The following SLC16A9 variants were observed in gnomAD, a reference collection of about 807,000 sequenced individuals.
SLC16A9 encodes monocarboxylate transporter 9.
A neutral mutation model predicts 44.3 loss-of-function variants in SLC16A9; 26 were observed. The observed-to-expected ratio is 0.59, with a 90% CI of 0.43 to 0.81. The LOEUF (loss-of-function observed/expected upper bound fraction) is 0.81, where lower values mean the gene tolerates loss of function less well. Ranked by LOEUF, SLC16A9 falls within the 40% of genes least tolerant of loss-of-function variation. The pLI, the probability that SLC16A9 is intolerant of heterozygous loss-of-function variation, is 0.00. For synonymous variants in SLC16A9, 230 were observed against 225.1 expected, an observed-to-expected ratio of 1.02 and a Z score of -0.19; for missense variants, 559 against 595.8, an observed-to-expected ratio of 0.94 and a Z score of 0.64.
At position 59,672,892 on chromosome 10, in the gene SLC16A9, A is replaced by T; in HGVS notation, c.218T>A (p.Val73Asp). The change falls in exon 3 of 6, where the codon GTC becomes GAC. Residue 73 changes from valine to aspartate, a missense_variant. Physicochemically the swap from Val to Asp is radical, Grantham distance 152. Transcript: ENST00000395348. ...GACAGGTCTTGCTCCAAAAGATGAG[A>T]CACAGAGACTGCAGACAGGACCTAA... is the stretch of plus-strand genomic sequence containing the variant. The part of the protein sequence containing the change: ...LLASPVCSLC[V>D]SSFGARPVTI... The T allele has an allele frequency of 6.2e-7, 1 of 1,613,214 alleles. No individual in the cohort carries two copies. The highest frequency in any genetic ancestry group is 1.1e-5 in the South Asian group (1 of 90,868).
At chr10:59,693,929 T>C (rs184367716) in intron 1 of SLC16A9, among the ~76,000 whole-genome samples, 412 of 138,506 alleles carry the variant, frequency 3.0e-3, no homozygotes, top group Non-Finnish European at 3.8e-3. Flanking sequence ...TTAATTTTAC[T>C]TATTTATTTA....
In SLC16A9 at chr10:59,653,709, A is replaced by C; in HGVS notation, c.1317T>G (p.Ala439=). 1.2e-6 allele frequency: 2 copies of C among 1,613,954 alleles called. No individual in the cohort carries two copies. Among genetic ancestry groups the C allele is most frequent in the Non-Finnish European group, 1.7e-6 (2 of 1,179,928 alleles). ...GTGGTCCTAGGCTATTTCCAAGTCC[A>C]GCAAAGAACATTAATATCCCATAGG... ...AHAYGILMFF[A]GLGNSLGPPI... is the part of the protein sequence containing the mutation. The change falls in exon 5 of 6, where the codon GCT becomes GCG. Residue 439 remains alanine, a synonymous_variant. Transcript: ENST00000395348.
rs1325163097 is a variant in SLC16A9 at position 59,681,620 on chromosome 10, A to G, written c.196+2476T>C. Reference sequence around the variant, plus strand: ...TATATGTATATGTATATGTATATGTATATGATGTATATGTATATGTGTATG... The same window carrying G: ...TATATGTATATGTATATGTATATGTGTATGATGTATATGTATATGTGTATG... On this transcript the variant is annotated intron_variant, in intron 2 of 5. Transcript: ENST00000395348. 3.5e-4 allele frequency among the ~76,000 whole-genome samples: 24 copies of G among 68,418 alleles called. 7 individuals carry two copies. The highest frequency in any genetic ancestry group is 1.2e-3 in the African/African-American group (23 of 19,446). The allele number at this position is 68,418 out of a possible 152,430, so 44.9% of individuals were successfully genotyped here.
chr10:59,668,878 G>A (rs1016287571), intron 3 of SLC16A9, among the ~76,000 whole-genome samples: 1 of 145,318 alleles, frequency 6.9e-6, no homozygotes, highest in Non-Finnish European at 1.5e-5. Flanking sequence ...AATTTTGAAA[G>A]GGGGGGCTTA....
chr10:59,708,037 T>G (rs1331073324), intron 1 of SLC16A9, among the ~76,000 whole-genome samples: 9 of 152,118 alleles, frequency 5.9e-5, no homozygotes, highest in Non-Finnish European at 1.3e-4. Flanking sequence ...AAGAAACCAG[T>G]AGGGATGTTA....
intron 3 of SLC16A9, among the ~76,000 whole-genome samples, chr10:59,671,570 A>G (rs928908323): frequency 6.6e-6 from 1 of 152,166 alleles, no homozygotes; most frequent in Non-Finnish European, 1.5e-5. Context: ...TATAGCACAT[A>G]TACACAACAG....
At chr10:59,661,886 A>G (rs759280736) in intron 4 of SLC16A9, among the ~76,000 whole-genome samples, 88 of 152,326 alleles carry the variant, frequency 5.8e-4, no homozygotes, top group Non-Finnish European at 1.2e-3. Context: ...CAATGGGGAA[A>G]GGATTCCCTA....
Position 59,672,933 on chromosome 10 carries a change from C to A in SLC16A9, c.197-20G>T. On this transcript the variant is annotated intron_variant, in intron 2 of 5. Coordinates refer to ENST00000395348, the MANE Select transcript of SLC16A9 (RefSeq NM_194298.3). ...CAGGACCTAAAAAAAGAAATGAAACCTTCACTTATTATCATATGATCCATC... is the reference window on the plus strand; with the variant it reads ...CAGGACCTAAAAAAAGAAATGAAACATTCACTTATTATCATATGATCCATC... 1 of 1,592,930 alleles carries A rather than the reference C, an allele frequency of 6.3e-7. No homozygotes were observed.
At chr10:59,689,890 T>A (rs1003007798) in intron 1 of SLC16A9, among the ~76,000 whole-genome samples, 1 of 152,230 alleles carries the variant, frequency 6.6e-6, no homozygotes, top group African/African-American at 2.4e-5. Context: ...CTTATTATCC[T>A]CCCTTCTTCA....
intron 1 of SLC16A9, among the ~76,000 whole-genome samples, chr10:59,704,821 A>G (rs548483641): frequency 6.6e-6 from 1 of 152,382 alleles, no homozygotes; most frequent in East Asian, 1.9e-4. Flanking sequence ...TCTTTCAGTT[A>G]GCAAACGTTT....
At chr10:59,696,860 C>A (rs1228797923) in intron 1 of SLC16A9, among the ~76,000 whole-genome samples, 2 of 151,618 alleles carry the variant, frequency 1.3e-5, no homozygotes, top group East Asian at 4.0e-4. Flanking sequence ...AGGAGCCCCT[C>A]CGCCCAGCAG....
chr10:59,686,835 T>C (rs904921079), intron 1 of SLC16A9, among the ~76,000 whole-genome samples: 1 of 152,222 alleles, frequency 6.6e-6, no homozygotes, highest in African/African-American at 2.4e-5. Context: ...TGTTACACAA[T>C]GAGATGAAAA....
At chr10:59,709,023 G>A (rs1396410053) in intron 1 of SLC16A9, among the ~76,000 whole-genome samples, 1 of 152,214 alleles carries the variant, frequency 6.6e-6, no homozygotes, top group African/African-American at 2.4e-5. Context: ...CCCTCCGGGG[G>A]CACCTGGTTG....
intron 2 of SLC16A9, among the ~76,000 whole-genome samples, chr10:59,679,445 C>G (rs1839939183): frequency 6.6e-6 from 1 of 152,150 alleles, no homozygotes; most frequent in African/African-American, 2.4e-5. Flanking sequence ...CTAACCAAGT[C>G]AAAAATTTGC....
chr10:59,681,924 CT>C (rs5785399), intron 2 of SLC16A9, among the ~76,000 whole-genome samples: 71,682 of 145,970 alleles, frequency 0.49, 18,962 homozygotes, highest in East Asian at 0.81. Context: ...TTTAGCCATC[CT>C]TTTTTTTTCC....
chr10:59,654,710 C>A (rs1268922168), intron 4 of SLC16A9, 121 bp from the exon 5 acceptor site: 4 of 731,526 alleles, frequency 5.5e-6, no homozygotes, highest in South Asian at 2.6e-5. Flanking sequence ...ATATTAAAAT[C>A]ATATTAAGAA....
chr10:59,664,886 T>A (rs890333878), intron 3 of SLC16A9, among the ~76,000 whole-genome samples: 3 of 152,212 alleles, frequency 2.0e-5, no homozygotes, highest in African/African-American at 7.2e-5. Flanking sequence ...GAGGTGCATA[T>A]TACCTTATTT....
At chr10:59,668,097 G>A (rs1434740186) in intron 3 of SLC16A9, among the ~76,000 whole-genome samples, 1 of 151,288 alleles carries the variant, frequency 6.6e-6, no homozygotes, top group African/African-American at 2.4e-5. Flanking sequence ...CTCATCTAAA[G>A]CCTCCTAATA....
rs571763420 is a variant in SLC16A9 at position 59,696,306 on chromosome 10, G to C, written c.-36-11979C>G. Among the ~76,000 whole-genome samples the C allele has an allele frequency of 1.2e-4, 19 of 152,358 alleles. No individual in the cohort carries two copies. In the South Asian group the frequency reaches 3.9e-3, roughly 32 times the overall value. On this transcript the variant is annotated intron_variant, in intron 1 of 5. Coordinates refer to ENST00000395348, the MANE Select transcript of SLC16A9 (RefSeq NM_194298.3). Reference sequence around the variant, plus strand: ...TTTTTGGTGGAGAGGGGGTTTCGCTGTGTTGGCTGGGCTGGTTTCCAGCTC... The same window carrying C: ...TTTTTGGTGGAGAGGGGGTTTCGCTCTGTTGGCTGGGCTGGTTTCCAGCTC...
Sources: gnomAD v4.1 joint callset for allele counts (sites outside exome capture counted in the v4.1 genomes callset) on GRCh38, gnomAD v4.1.1 for gene constraint, MANE v1.5 for transcripts, NCBI Gene and HGNC (gene_info 2026-07-23, HGNC 2026-07-21) for gene names.